C8orf58: variants seen among roughly 807,000 people sequenced by gnomAD.
The protein encoded by C8orf58 is uncharacterized protein C8orf58.
A neutral mutation model predicts 36.8 loss-of-function variants in C8orf58; 31 were observed. The ratio of observed to expected loss-of-function variants is 0.84; its 90% CI spans 0.63 to 1.14. The LOEUF (loss-of-function observed/expected upper bound fraction) is 1.14, where lower values mean the gene tolerates loss of function less well. Among genes scored for constraint, C8orf58 ranks in the 50% most tolerant of loss-of-function variants. C8orf58 has a pLI of 0.00. For synonymous variants in C8orf58, 230 were observed against 200.2 expected (o/e 1.15, Z -1.26); for missense variants, 538 against 480.8 (o/e 1.12, Z -1.11).
At position 22,603,733 on chromosome 8, in the gene C8orf58, T is replaced by C. The variant is rs1800947091; in HGVS notation, c.*427T>C. The C allele has an allele frequency of 3.2e-6, 1 of 312,640 alleles. No homozygotes were observed. Among genetic ancestry groups the C allele is most frequent in the African/African-American group, 2.2e-5 (1 of 46,218 alleles). 19.4% of individuals were successfully genotyped at this position (312,640 alleles called of 1,614,324 possible). A position where few individuals can be genotyped will look rare whatever the true frequency, so the allele number is the denominator to read the frequency against. The stretch of plus-strand genomic sequence containing the variant: ...CTTCTGAAATAATGCATCCAAAGGG[T>C]TGATATTCTGGGGGAGGTCACTGCA... On this transcript the variant is annotated 3_prime_UTR_variant, in exon 7 of 7. Coordinates refer to ENST00000289989, the MANE Select transcript of C8orf58 (RefSeq NM_001013842.3).
chr8:22,601,541 C>T (rs1231930256), intron 2 of C8orf58, among the ~76,000 whole-genome samples, 171 bp from the exon 3 acceptor site: 1 of 152,218 alleles, frequency 6.6e-6, no homozygotes, highest in Non-Finnish European at 1.5e-5. Flanking sequence ...TGGGCAGCTA[C>T]GGGGGCCCTT....
In C8orf58 at chr8:22,599,731, G is replaced by C; in HGVS notation, c.11G>C (p.Arg4Pro). ...GGCCGGGAGCGGGCCATGATGGGCCGGCGGCGCGCCTTCGCCGTGGACGGC... is the reference window on the plus strand; with the variant it reads ...GGCCGGGAGCGGGCCATGATGGGCCCGCGGCGCGCCTTCGCCGTGGACGGC... Reference protein sequence around the residue: MMGRRRAFAVDGRD... With the variant: MMGPRRAFAVDGRD... The change falls in exon 1 of 7, where the codon CGG becomes CCG. Residue 4 changes from arginine to proline, a missense_variant. Transcript: ENST00000289989. 2.5e-6 allele frequency: 3 copies of C among 1,218,404 alleles called. No individual in the cohort carries two copies. Among genetic ancestry groups the C allele is most frequent in the Non-Finnish European group, 3.1e-6 (3 of 979,478 alleles). The allele number at this position is 1,218,404 out of a possible 1,614,324, so 75.5% of individuals were successfully genotyped here.
In C8orf58 at chr8:22,601,691, C is replaced by T. The variant is rs760478182; in HGVS notation, c.517-21C>T. The T allele has an allele frequency of 6.3e-6, 10 of 1,587,430 alleles. No individual in the cohort carries two copies. The African/African-American group carries it at 1.2e-4, about 19-fold the overall frequency. Reference sequence around the variant, plus strand: ...GGAGCCCTACTGGCTGAAATCTCCCCTATCTCACAATGTCCCACAGGTGGG... The same window carrying T: ...GGAGCCCTACTGGCTGAAATCTCCCTTATCTCACAATGTCCCACAGGTGGG... On this transcript the variant is annotated intron_variant, in intron 2 of 6. Coordinates refer to ENST00000289989, the MANE Select transcript of C8orf58 (RefSeq NM_001013842.3).
At chr8:22,602,406 G>A (rs973150446) in intron 5 of C8orf58, 94 bp downstream of exon 5, 2 of 1,320,278 alleles carry the variant, frequency 1.5e-6, no homozygotes, top group South Asian at 2.5e-5. Flanking sequence ...AGCAACTCTG[G>A]GGAAATGACA....
Position 22,601,087 on chromosome 8 carries a change from C to G in C8orf58, c.246C>G (p.Ala82=), listed in dbSNP as rs1398522867. 3 of 1,612,536 alleles carry G rather than the reference C, an allele frequency of 1.9e-6. No homozygotes were observed. Among genetic ancestry groups the G allele is most frequent in the Non-Finnish European group, 1.7e-6 (2 of 1,180,020 alleles). Residue 82 remains alanine, a synonymous_variant, in exon 2 of 7, where the codon GCC becomes GCG. Coordinates refer to ENST00000289989, the MANE Select transcript of C8orf58 (RefSeq NM_001013842.3). ...EMAVGDSPLA[A]LPGLSQDSLD... ...CAGTTGGGGACAGCCCCCTGGCCGC[C>G]TTACCGGGCCTTTCTCAGGACTCCC...
Position 22,603,778 on chromosome 8 carries a change from T to G in C8orf58, c.*472T>G. ...ACTGCAGAAGGATGGAACTGACCTT[T>G]ATTCCCCAGTGGGCAGTTACTGAGC... On this transcript the variant is annotated 3_prime_UTR_variant, in exon 7 of 7. Coordinates refer to ENST00000289989, the MANE Select transcript of C8orf58 (RefSeq NM_001013842.3). The G allele has an allele frequency of 3.9e-6, 1 of 254,798 alleles. No homozygotes were observed. The highest frequency in any genetic ancestry group is 4.2e-5 in the South Asian group (1 of 23,876). 15.8% of individuals were successfully genotyped at this position (254,798 alleles called of 1,614,324 possible). A position where few individuals can be genotyped will look rare whatever the true frequency, so the allele number is the denominator to read the frequency against.
In C8orf58 at chr8:22,601,101, C is replaced by T. The variant is rs778663501; in HGVS notation, c.260C>T (p.Ser87Phe). 2.5e-6 allele frequency: 4 copies of T among 1,612,428 alleles called. No individual in the cohort carries two copies. The South Asian group carries it at 3.3e-5, about 13-fold the overall frequency. ...CCCCTGGCCGCCTTACCGGGCCTTT[C>T]TCAGGACTCCCTGGACTTTGAATCC... ...DSPLAALPGL[S>F]QDSLDFESSG... Residue 87 changes from serine to phenylalanine, a missense_variant, in exon 2 of 7, where the codon TCT becomes TTT. Coordinates refer to ENST00000289989, the MANE Select transcript of C8orf58 (RefSeq NM_001013842.3).
In C8orf58 at chr8:22,602,418, G is replaced by T. The variant is rs758203858; in HGVS notation, c.879+106G>T. 5 of 1,315,812 alleles carry T rather than the reference G, an allele frequency of 3.8e-6. No homozygotes were observed. The African/African-American group carries it at 7.3e-5, about 19-fold the overall frequency. 81.5% of individuals were successfully genotyped at this position (1,315,812 alleles called of 1,614,324 possible). A position where few individuals can be genotyped will look rare whatever the true frequency, so the allele number is the denominator to read the frequency against. On this transcript the variant is annotated intron_variant, in intron 5 of 6. Coordinates refer to ENST00000289989, the MANE Select transcript of C8orf58 (RefSeq NM_001013842.3). ...GCCAGCAACTCTGGGGAAATGACAG[G>T]ATTGATTCCTGTTTGGAGCAGGCGA...
Position 22,601,769 on chromosome 8 carries a change from C to A in C8orf58, c.574C>A (p.Leu192Met). ...ACLPGQGLRY[L>M]EHLCLVLEQM... is the part of the protein sequence containing the mutation. The stretch of plus-strand genomic sequence containing the variant: ...CCTCCCCGGGCAGGGTCTTCGCTAT[C>A]TGGAACACCTGTGCCTGGTGCTGGA... Residue 192 changes from leucine (L) to methionine (M), a missense_variant, in exon 3 of 7, where the codon CTG becomes ATG. Transcript: ENST00000289989. 1.9e-6 allele frequency: 3 copies of A among 1,612,518 alleles called. No individual in the cohort carries two copies. The highest frequency in any genetic ancestry group is 2.5e-6 in the Non-Finnish European group (3 of 1,179,828).
In C8orf58 at chr8:22,602,093, C is replaced by G; in HGVS notation, c.766+13C>G. ...ACAGAGCACACAGGTGAGGGGCCAT[C>G]GTGTCTCCCTTTGTCCTGCCTGCCT... On this transcript the variant is annotated intron_variant, in intron 4 of 6. Coordinates refer to ENST00000289989, the MANE Select transcript of C8orf58 (RefSeq NM_001013842.3). 2 of 1,557,600 alleles carry G rather than the reference C, an allele frequency of 1.3e-6. No individual in the cohort carries two copies. Among genetic ancestry groups the G allele is most frequent in the South Asian group, 2.4e-5 (2 of 85,068 alleles).
At position 22,599,729 on chromosome 8, in the gene C8orf58, C is replaced by A. The variant is rs2117386273; in HGVS notation, c.9C>A (p.Gly3=). 1 of 1,218,180 alleles carries A rather than the reference C, an allele frequency of 8.2e-7. No homozygotes were observed. The allele number at this position is 1,218,180 out of a possible 1,614,324, so 75.5% of individuals were successfully genotyped here. MM[G]RRRAFAVDGR... The stretch of plus-strand genomic sequence containing the variant: ...GGGGCCGGGAGCGGGCCATGATGGG[C>A]CGGCGGCGCGCCTTCGCCGTGGACG... The change falls in exon 1 of 7, where the codon GGC becomes GGA. Residue 3 remains glycine, a synonymous_variant. Transcript: ENST00000289989.
chr8:22,601,132 G>A lies in C8orf58; in HGVS notation c.291G>A (p.Gly97=), dbSNP rs1332817441. 1 of 1,611,812 alleles carries A rather than the reference G, an allele frequency of 6.2e-7. No homozygotes were observed. The highest frequency in any genetic ancestry group is 1.7e-5 in the Admixed American group (1 of 60,002). Residue 97 remains glycine (G), a synonymous_variant, in exon 2 of 7, where the codon GGG becomes GGA. Coordinates refer to ENST00000289989, the MANE Select transcript of C8orf58 (RefSeq NM_001013842.3). The part of the protein sequence containing the change: ...SQDSLDFESS[G]SSEPPAQVGR... ...ACTCCCTGGACTTTGAATCCTCAGG[G>A]AGTTCTGAGCCCCCCGCCCAGGTAG...
chr8:22,603,427 C>G lies in C8orf58; in HGVS notation c.*121C>G, dbSNP rs1408741089. 1.3e-6 allele frequency: 1 copy of G among 752,690 alleles called. No individual in the cohort carries two copies. The highest frequency in any genetic ancestry group is 2.4e-6 in the Non-Finnish European group (1 of 422,226). 46.6% of individuals were successfully genotyped at this position (752,690 alleles called of 1,614,324 possible). A position where few individuals can be genotyped will look rare whatever the true frequency, so the allele number is the denominator to read the frequency against. ...AAAAGCTGCTGACGCCTGCCCTCCT[C>G]TCTTGAGTCGAGGGCTGAATCTTTC... On this transcript the variant is annotated 3_prime_UTR_variant, in exon 7 of 7. Coordinates refer to ENST00000289989, the MANE Select transcript of C8orf58 (RefSeq NM_001013842.3).
At chr8:22,602,433 G>T (rs1185611182) in intron 5 of C8orf58, 104 bp from the exon 6 acceptor site, 3 of 1,324,796 alleles carry the variant, frequency 2.3e-6, no homozygotes, top group Non-Finnish European at 3.2e-6. Flanking sequence ...ATTCCTGTTT[G>T]GAGCAGGCGA....
At position 22,599,769 on chromosome 8, in the gene C8orf58, C is replaced by T; in HGVS notation, c.40+9C>T. The T allele has an allele frequency of 7.4e-6, 9 of 1,213,156 alleles. No individual in the cohort carries two copies. Among genetic ancestry groups the T allele is most frequent in the Non-Finnish European group, 9.2e-6 (9 of 974,162 alleles). The allele number at this position is 1,213,156 out of a possible 1,614,324, so 75.1% of individuals were successfully genotyped here. ...CGCCGTGGACGGCCGGGGTGAGTCA[C>T]CCACCCCCAGGCTGGCCGGGCTCCC... On this transcript the variant is annotated intron_variant, in intron 1 of 6. Transcript: ENST00000289989.
rs559034053 is a variant in C8orf58, at chr8:22,601,147, C to T, written c.306C>T (p.Pro102=). The T allele has an allele frequency of 2.5e-5, 41 of 1,610,984 alleles. No individual in the cohort carries two copies. The East Asian group carries it at 4.9e-4, about 19-fold the overall frequency. The change falls in exon 2 of 7, where the codon CCC becomes CCT. Residue 102 remains proline, a synonymous_variant. Coordinates refer to ENST00000289989, the MANE Select transcript of C8orf58 (RefSeq NM_001013842.3). ...AATCCTCAGGGAGTTCTGAGCCCCC[C>T]GCCCAGGTAGGCCGACTCCTGGCCA... ...DFESSGSSEP[P]AQVGRLLASQ... is the part of the protein sequence containing the mutation.
intron 1 of C8orf58, 129 bp from the exon 2 acceptor site, chr8:22,600,753 G>C (rs1403267986): frequency 8.2e-6 from 6 of 733,652 alleles, no homozygotes; most frequent in Non-Finnish European, 1.3e-5. Context: ...CGGGCTGCCC[G>C]TGGCTGTCCA....
At chr8:22,602,771 A>G (rs572791944) in intron 6 of C8orf58, 128 bp downstream of exon 6, 3 of 637,682 alleles carry the variant, frequency 4.7e-6, no homozygotes, top group Admixed American at 5.9e-5. Flanking sequence ...AGGGGCTGCT[A>G]GAAGAAACAG....
chr8:22,600,773 C>T, intron 1 of C8orf58, 109 bp from the exon 2 acceptor site: 3 of 938,570 alleles, frequency 3.2e-6, no homozygotes, highest in Non-Finnish European at 4.7e-6. Context: ...AGTGACCGCC[C>T]TTCCTCACTG....
Sources: gnomAD v4.1 joint callset for allele counts (sites outside exome capture counted in the v4.1 genomes callset) on GRCh38, gnomAD v4.1.1 for gene constraint, MANE v1.5 for transcripts, NCBI Gene and HGNC (gene_info 2026-07-23, HGNC 2026-07-21) for gene names.